The following TBC1D13 variants were observed in gnomAD, a reference collection of about 807,000 sequenced individuals.
TBC1D13 encodes the protein TBC1 domain family member 13.
A neutral mutation model predicts 53.6 loss-of-function variants in TBC1D13; 40 were observed. That is an observed-to-expected ratio of 0.75 (90% CI 0.58 to 0.97). TBC1D13 has a LOEUF of 0.97. TBC1D13 is among the 50% of genes least tolerant of loss of function. The pLI is 0.00. For missense variants in TBC1D13, 377 were observed against 499.4 expected (o/e 0.75, Z 2.34); for synonymous variants, 182 against 197.7 (o/e 0.92, Z 0.67).
chr9:128,798,578 G>A (rs1166645252), intron 7 of TBC1D13, among the ~76,000 whole-genome samples: 1 of 152,198 alleles, frequency 6.6e-6, no homozygotes, highest in African/African-American at 2.4e-5. Context: ...AAGAGGTGGT[G>A]GGGGCAGGGA....
rs937795962 is a variant in TBC1D13 at position 128,808,104 on chromosome 9, G to T, written c.*225G>T. On this transcript the variant is annotated 3_prime_UTR_variant, in exon 12 of 12. Transcript: ENST00000372648. ...TGCCCTCTTTGCCCAGGATACTGAG[G>T]AGGGCTGGAGCTCGGGAAGTTGTCC... 3.7e-6 allele frequency: 2 copies of T among 540,586 alleles called. No homozygotes were observed. The highest frequency in any genetic ancestry group is 6.0e-5 in the East Asian group (2 of 33,462). The allele number at this position is 540,586 out of a possible 1,614,324, so 33.5% of individuals were successfully genotyped here. A position where few individuals can be genotyped will look rare whatever the true frequency, so the allele number is the denominator to read the frequency against.
rs916452541 is a variant in TBC1D13, at chr9:128,790,860, C to T, written c.138+85C>T. The T allele has an allele frequency of 2.7e-5, 37 of 1,392,664 alleles. 1 individual carries two copies. The highest frequency in any genetic ancestry group is 8.8e-6 in the Non-Finnish European group (9 of 1,024,982). 86.3% of individuals were successfully genotyped at this position (1,392,664 alleles called of 1,614,324 possible). On this transcript the variant is annotated intron_variant, in intron 3 of 11. Transcript: ENST00000372648. ...GGCTGCCCCTACCCCTGGCTTCTTC[C>T]TCCTGTTCTGCACCTTTCCTTGCTT...
chr9:128,797,304 A>G, intron 7 of TBC1D13, 90 bp downstream of exon 7: 12 of 1,376,280 alleles, frequency 8.7e-6, no homozygotes, highest in Non-Finnish European at 1.1e-5. Flanking sequence ...GTGTCGGGCC[A>G]TGACCATCTG....
intron 3 of TBC1D13, 116 bp downstream of exon 3, chr9:128,790,891 A>T: frequency 8.8e-7 from 1 of 1,135,592 alleles, no homozygotes; most frequent in Middle Eastern, 2.7e-4. Context: ...TGCTTGTCTG[A>T]GGGAGCTTTT....
At chr9:128,804,141 G>T (rs763238805) in intron 9 of TBC1D13, 22 bp downstream of exon 9, 1 of 1,611,382 alleles carries the variant, frequency 6.2e-7, no homozygotes, top group Non-Finnish European at 8.5e-7. Context: ...AGGAACAGAC[G>T]GGTGGAAAGG....
intron 7 of TBC1D13, among the ~76,000 whole-genome samples, chr9:128,801,683 G>A (rs1829736232): frequency 1.3e-5 from 2 of 151,668 alleles, no homozygotes; most frequent in African/African-American, 4.8e-5. Flanking sequence ...TGTCTCAGGG[G>A]GGCAAATAAA....
In TBC1D13 at chr9:128,797,120, AC is replaced by A; in HGVS notation, c.454del (p.Gln152ArgfsTer16). On this transcript the variant is annotated frameshift_variant, in exon 7 of 12. Transcript: ENST00000372648. LOFTEE classifies it high-confidence loss of function. The stretch of plus-strand genomic sequence containing the variant: ...GACTACCCTTGCCTCCTCATCCTGG[AC>A]CCCCAGAATGAGTTTGAAACCCTTC... ...ATDYPCLLIL[D>X]PQNEFETLRK... 6.2e-7 allele frequency: 1 copy of A among 1,613,756 alleles called. No homozygotes were observed. Among genetic ancestry groups the A allele is most frequent in the East Asian group, 2.2e-5 (1 of 44,860 alleles).
chr9:128,792,087 A>G (rs1829543457), intron 5 of TBC1D13, among the ~76,000 whole-genome samples: 2 of 152,246 alleles, frequency 1.3e-5, no homozygotes, highest in African/African-American at 4.8e-5. Flanking sequence ...GATGGGCCCC[A>G]GGCCCAGACT....
At chr9:128,795,990 T>A (rs532636204) in intron 6 of TBC1D13, among the ~76,000 whole-genome samples, 25 of 152,338 alleles carry the variant, frequency 1.6e-4, no homozygotes, top group Admixed American at 1.3e-3. Flanking sequence ...TATATATCTA[T>A]TTGCAAATAC....
chr9:128,791,739 G>A lies in TBC1D13; in HGVS notation c.300+46G>A, dbSNP rs773413056. ...GAGACCCAGGATACAGAATGTGGAGGGGTGGCGGCCTTGGAGCAGGCAAGG... is the reference window on the plus strand; with the variant it reads ...GAGACCCAGGATACAGAATGTGGAGAGGTGGCGGCCTTGGAGCAGGCAAGG... On this transcript the variant is annotated intron_variant, in intron 5 of 11. Transcript: ENST00000372648. 17 of 1,578,324 alleles carry A rather than the reference G, an allele frequency of 1.1e-5. No homozygotes were observed. In the South Asian group the frequency reaches 1.3e-4, roughly 12 times the overall value.
Position 128,808,099 on chromosome 9 carries a change from C to T in TBC1D13, c.*220C>T. Reference sequence around the variant, plus strand: ...CACTCTGCCCTCTTTGCCCAGGATACTGAGGAGGGCTGGAGCTCGGGAAGT... The same window carrying T: ...CACTCTGCCCTCTTTGCCCAGGATATTGAGGAGGGCTGGAGCTCGGGAAGT... On this transcript the variant is annotated 3_prime_UTR_variant, in exon 12 of 12. Coordinates refer to ENST00000372648, the MANE Select transcript of TBC1D13 (RefSeq NM_018201.5). The T allele has an allele frequency of 1.8e-6, 1 of 549,000 alleles. No individual in the cohort carries two copies. Among genetic ancestry groups the T allele is most frequent in the East Asian group, 3.0e-5 (1 of 33,688 alleles). The allele number at this position is 549,000 out of a possible 1,614,324, so 34.0% of individuals were successfully genotyped here. A position where few individuals can be genotyped will look rare whatever the true frequency, so the allele number is the denominator to read the frequency against.
chr9:128,797,328 C>G, intron 7 of TBC1D13, 114 bp downstream of exon 7: 3 of 1,131,876 alleles, frequency 2.7e-6, no homozygotes, highest in Non-Finnish European at 3.7e-6. Flanking sequence ...GACAGTTACT[C>G]AGCGCAATCC....
intron 7 of TBC1D13, among the ~76,000 whole-genome samples, chr9:128,801,898 A>T (rs1189293235): frequency 6.7e-6 from 1 of 150,352 alleles, no homozygotes; most frequent in Non-Finnish European, 1.5e-5. Flanking sequence ...AGTAGCTGGG[A>T]CTACAGGTGC....
At chr9:128,806,427 T>A in intron 11 of TBC1D13, 116 bp downstream of exon 11, 1 of 1,201,822 alleles carries the variant, frequency 8.3e-7, no homozygotes, top group Non-Finnish European at 1.2e-6. Context: ...TAGTAGGGAT[T>A]AAAGTCCAGA....
intron 2 of TBC1D13, chr9:128,789,978 C>G (rs540057126): frequency 6.6e-6 from 1 of 151,622 alleles, no homozygotes; most frequent in Non-Finnish European, 1.5e-5. Context: ...CATTTCAGGC[C>G]GGGCATGGTG....
rs1041610345 is a variant in TBC1D13, at chr9:128,790,609, T to C, written c.98-126T>C. 8 of 835,228 alleles carry C rather than the reference T, an allele frequency of 9.6e-6. No individual in the cohort carries two copies. In the Admixed American group the frequency reaches 2.1e-4, roughly 22 times the overall value. 51.7% of individuals were successfully genotyped at this position (835,228 alleles called of 1,614,324 possible). On this transcript the variant is annotated intron_variant, in intron 2 of 11. Coordinates refer to ENST00000372648, the MANE Select transcript of TBC1D13 (RefSeq NM_018201.5). The stretch of plus-strand genomic sequence containing the variant: ...AACCATCCAATCTAGTCATCTTTCT[T>C]GGGGAAATGATTCTTGAAGAAGTAC...
intron 7 of TBC1D13, among the ~76,000 whole-genome samples, chr9:128,801,229 A>G (rs1230091147): frequency 6.6e-6 from 1 of 152,064 alleles, no homozygotes; most frequent in Admixed American, 6.6e-5. Flanking sequence ...AAGATTAACC[A>G]TGAGTCCATA....
intron 7 of TBC1D13, among the ~76,000 whole-genome samples, chr9:128,800,000 G>A (rs1416766708): frequency 4.6e-5 from 7 of 152,244 alleles, no homozygotes; most frequent in African/African-American, 1.4e-4. Flanking sequence ...CAGCCTGGGC[G>A]ACAGAGCGAG....
At chr9:128,795,405 G>A (rs938467402) in intron 6 of TBC1D13, among the ~76,000 whole-genome samples, 17 of 131,344 alleles carry the variant, frequency 1.3e-4, no homozygotes, top group African/African-American at 4.5e-4. Context: ...GTAGAGATGG[G>A]GTTTCACCGT....
Sources: allele counts gnomAD v4.1 joint callset (sites outside exome capture counted in the v4.1 genomes callset), GRCh38; gene constraint gnomAD v4.1.1; transcripts MANE v1.5; gene names NCBI Gene and HGNC (gene_info 2026-07-23, HGNC 2026-07-21).